NCBP1: variants seen among roughly 807,000 people sequenced by gnomAD.
NCBP1 encodes the protein nuclear cap-binding protein subunit 1.
Under a neutral mutation model 111.7 loss-of-function variants are expected in NCBP1, and 16 were observed. The observed-to-expected ratio is 0.14, with a 90% CI of 0.10 to 0.22. The LOEUF (loss-of-function observed/expected upper bound fraction) is 0.22, where lower values mean the gene tolerates loss of function less well. Among genes scored for constraint, NCBP1 ranks in the 10% least tolerant of loss-of-function variants. The pLI, the probability that NCBP1 is intolerant of heterozygous loss-of-function variation, is 1.00. For synonymous variants in NCBP1, 304 were observed against 314.3 expected (o/e 0.97, Z 0.35); for missense variants, 607 against 957.5 (o/e 0.63, Z 4.83).
At chr9:97,653,058 C>G (rs748654765) in intron 10 of NCBP1, among the ~76,000 whole-genome samples, 1 of 150,930 alleles carries the variant, frequency 6.6e-6, no homozygotes, top group Non-Finnish European at 1.5e-5. Flanking sequence ...GCATCTATTT[C>G]AAGTAACAGT....
intron 8 of NCBP1, among the ~76,000 whole-genome samples, chr9:97,649,911 T>C (rs1388257321): frequency 1.3e-5 from 2 of 152,188 alleles, no homozygotes; most frequent in Non-Finnish European, 2.9e-5. Flanking sequence ...GTTTCTGTTC[T>C]GGCCTTTTAC....
At chr9:97,634,718 A>G (rs1826949389) in intron 1 of NCBP1, 2 of 152,272 alleles carry the variant, frequency 1.3e-5, no homozygotes, top group Non-Finnish European at 2.9e-5. Flanking sequence ...ACACCAAAAA[A>G]GTAAAACTTA....
At chr9:97,654,817 T>C in intron 11 of NCBP1, 63 bp from the exon 12 acceptor site, 2 of 1,343,956 alleles carry the variant, frequency 1.5e-6, no homozygotes, top group Non-Finnish European at 2.1e-6. Flanking sequence ...ATTTCTATTC[T>C]TGTCTATTAC....
At chr9:97,637,183 A>C (rs117563751) in intron 1 of NCBP1, among the ~76,000 whole-genome samples, 2,137 of 152,206 alleles carry the variant, frequency 0.014, 102 homozygotes, top group East Asian at 0.13. Flanking sequence ...TCGACTATCA[A>C]AGATTAAGGG....
intron 8 of NCBP1, among the ~76,000 whole-genome samples, chr9:97,648,530 G>A (rs1330723019): frequency 2.6e-5 from 4 of 152,232 alleles, no homozygotes; most frequent in African/African-American, 9.6e-5. Flanking sequence ...TACTAGCTGT[G>A]TTAATTTGGG....
At chr9:97,644,453 C>T (rs1197524306) in intron 4 of NCBP1, among the ~76,000 whole-genome samples, 1 of 152,126 alleles carries the variant, frequency 6.6e-6, no homozygotes, top group Admixed American at 6.6e-5. Context: ...GATGCTTTCC[C>T]CAACTCCCTT....
Position 97,666,883 on chromosome 9 carries a change from T to G in NCBP1, c.2016+6T>G. On this transcript the variant is annotated splice_donor_region_variant and intron_variant, in intron 20 of 22. Coordinates refer to ENST00000375147, the MANE Select transcript of NCBP1 (RefSeq NM_002486.5). ...TTGCTAGGCAACACAAACGGGTAAG[T>G]TTTGTGTAAACTTGTAAGTAGTTAA... The G allele has an allele frequency of 6.4e-7, 1 of 1,568,498 alleles. No individual in the cohort carries two copies. The highest frequency in any genetic ancestry group is 8.7e-7 in the Non-Finnish European group (1 of 1,153,448).
rs371744191 is a variant in NCBP1 at position 97,668,716 on chromosome 9, G to A, written c.2017-130G>A. ...GGTATATATGTGTGGGTGGCGGGGT[G>A]GGGGGGTACTTTCACTATAGAATAT... On this transcript the variant is annotated intron_variant, in intron 20 of 22. Transcript: ENST00000375147. The A allele has an allele frequency of 3.9e-5, 23 of 597,380 alleles. No individual in the cohort carries two copies. In the East Asian group the frequency reaches 4.8e-4, roughly 12 times the overall value. The allele number at this position is 597,380 out of a possible 1,614,324, so 37.0% of individuals were successfully genotyped here.
chr9:97,664,946 A>G (rs1827949483), intron 19 of NCBP1, among the ~76,000 whole-genome samples: 1 of 152,226 alleles, frequency 6.6e-6, no homozygotes, highest in Non-Finnish European at 1.5e-5. Flanking sequence ...CTTAGGTTTA[A>G]TGCAGAAGAT....
intron 18 of NCBP1, among the ~76,000 whole-genome samples, chr9:97,663,422 T>C (rs1223676750): frequency 2.0e-5 from 3 of 152,200 alleles, no homozygotes; most frequent in African/African-American, 7.2e-5. Flanking sequence ...AAACATTGTT[T>C]TACATTTAAC....
chr9:97,661,237 TC>T (rs1257151871), intron 16 of NCBP1, among the ~76,000 whole-genome samples, 169 bp downstream of exon 16: 1 of 152,178 alleles, frequency 6.6e-6, no homozygotes, highest in Non-Finnish European at 1.5e-5. Flanking sequence ...TAAAAAGAGA[TC>T]CTAACATTTC....
In NCBP1 at chr9:97,641,534, C is replaced by T. The variant is rs760667248; in HGVS notation, c.124-28C>T. On this transcript the variant is annotated intron_variant, in intron 2 of 22. Coordinates refer to ENST00000375147, the MANE Select transcript of NCBP1 (RefSeq NM_002486.5). ...TAAATTTATGTTGCTGAGTACTTGACAGATATTTAATGTGATGTCCTCTAC... is the reference window on the plus strand; with the variant it reads ...TAAATTTATGTTGCTGAGTACTTGATAGATATTTAATGTGATGTCCTCTAC... The T allele has an allele frequency of 3.9e-6, 6 of 1,523,714 alleles. No homozygotes were observed. The African/African-American group carries it at 8.3e-5, about 21-fold the overall frequency. 94.4% of individuals were successfully genotyped at this position (1,523,714 alleles called of 1,614,324 possible).
At chr9:97,639,360 T>A (rs573593576) in intron 1 of NCBP1, among the ~76,000 whole-genome samples, 3 of 152,304 alleles carry the variant, frequency 2.0e-5, no homozygotes, top group African/African-American at 7.2e-5. Flanking sequence ...TATCTGAAGA[T>A]CATTTCAGTC....
chr9:97,658,649 C>G lies in NCBP1; in HGVS notation c.1383C>G (p.Tyr461Ter). 1 of 1,609,718 alleles carries G rather than the reference C, an allele frequency of 6.2e-7. No individual in the cohort carries two copies. The part of the protein sequence containing the change: ...EVLEKCMRLS[Y>*]HQRILDIVPP... ...GTTATTTGTATTGTAGGTTGTCTTACCATCAGCGTATATTAGATATTGTTC... is the reference window on the plus strand; with the variant it reads ...GTTATTTGTATTGTAGGTTGTCTTAGCATCAGCGTATATTAGATATTGTTC... Residue 461 changes from tyrosine (Y) to a stop codon, truncating the protein, a stop_gained, in exon 15 of 23, where the codon TAC becomes TAG. Transcript: ENST00000375147. LOFTEE classifies it high-confidence loss of function.
intron 7 of NCBP1, 76 bp from the exon 8 acceptor site, chr9:97,647,932 A>T: frequency 1.6e-6 from 2 of 1,221,382 alleles, no homozygotes; most frequent in African/African-American, 1.5e-5. Flanking sequence ...CCTGTATTTT[A>T]AAGGGTAGTG....
chr9:97,660,797 A>T (rs937102218), intron 15 of NCBP1, 149 bp from the exon 16 acceptor site: 5 of 890,486 alleles, frequency 5.6e-6, no homozygotes, highest in Non-Finnish European at 3.3e-6. Flanking sequence ...TACGGTATTT[A>T]TATGTGATTA....
rs891048767 is a variant in NCBP1, at chr9:97,673,322, T to G, written c.*2123T>G. On this transcript the variant is annotated 3_prime_UTR_variant, in exon 23 of 23. Transcript: ENST00000375147. The stretch of plus-strand genomic sequence containing the variant: ...AGGGTCAACTGTAGTTTAAAATGAC[T>G]CCTGTCTCAAAAAACCAAAGGATAA... 6.6e-6 allele frequency: 1 copy of G among 152,144 alleles called. No individual in the cohort carries two copies. The highest frequency in any genetic ancestry group is 2.4e-5 in the African/African-American group (1 of 41,414). The allele number at this position is 152,144 out of a possible 1,614,324, so 9.4% of individuals were successfully genotyped here.
rs1480959894 is a variant in NCBP1, at chr9:97,666,875, C to A, written c.2014C>A (p.Arg672=). The A allele has an allele frequency of 3.8e-6, 6 of 1,590,198 alleles. No individual in the cohort carries two copies. The highest frequency in any genetic ancestry group is 5.1e-6 in the Non-Finnish European group (6 of 1,167,368). ...AGAGAAACTTGCTAGGCAACACAAA[C>A]GGGTAAGTTTTGTGTAAACTTGTAA... The part of the protein sequence containing the change: ...AKEKLARQHK[R]RSDDDDRSSD... The change falls in exon 20 of 23, where the codon CGG becomes AGG. Residue 672 remains arginine (R), a splice_region_variant and synonymous_variant. Transcript: ENST00000375147.
At chr9:97,647,739 T>C (rs1011282185) in intron 7 of NCBP1, among the ~76,000 whole-genome samples, 178 bp downstream of exon 7, 5 of 152,244 alleles carry the variant, frequency 3.3e-5, no homozygotes, top group Admixed American at 6.5e-5. Flanking sequence ...TAGAATGTAA[T>C]TGAAATATTC....
Sources: allele counts gnomAD v4.1 joint callset (sites outside exome capture counted in the v4.1 genomes callset), GRCh38; gene constraint gnomAD v4.1.1; transcripts MANE v1.5; gene names NCBI Gene and HGNC (gene_info 2026-07-23, HGNC 2026-07-21).